The following DAPK1 variants were observed in gnomAD, a reference collection of about 807,000 sequenced individuals.
The protein encoded by DAPK1 is death associated protein kinase 1, also known as death-associated protein kinase 1.
Under a neutral mutation model 144.9 loss-of-function variants are expected in DAPK1, and 56 were observed. The observed-to-expected ratio is 0.39, with a 90% confidence interval of 0.31 to 0.48. The LOEUF is 0.48. Among genes scored for constraint, DAPK1 ranks in the 20% least tolerant of loss-of-function variants. The probability of loss-of-function intolerance (pLI) is 0.95; values close to 1 mark genes in which losing one functional copy is unlikely to be tolerated. For synonymous variants in DAPK1, 690 were observed against 749.0 expected (o/e 0.92, Z 1.29); for missense variants, 1,454 against 1,875.4 (o/e 0.78, Z 4.15).
intron 3 of DAPK1, among the ~76,000 whole-genome samples, chr9:87,630,055 G>T (rs1434378848): frequency 1.3e-5 from 2 of 152,064 alleles, no homozygotes; most frequent in Non-Finnish European, 2.9e-5. Flanking sequence ...GACAGCCCCC[G>T]AGCTGCTTCA....
Position 87,654,182 on chromosome 9 carries a change from T to C in DAPK1, c.1824+2458T>C, listed in dbSNP as rs1830553885. On this transcript the variant is annotated intron_variant, in intron 17 of 25. Coordinates refer to ENST00000408954, the MANE Select transcript of DAPK1 (RefSeq NM_004938.4). ...GACTTCTAGATTTTAGCCAGCACCT[T>C]CCCTTTTCTCTGAATTCCATATAGA... Among the ~76,000 whole-genome samples the C allele has an allele frequency of 1.3e-5, 2 of 152,202 alleles. 1 individual carries two copies. Among genetic ancestry groups the C allele is most frequent in the Admixed American group, 1.3e-4 (2 of 15,276 alleles).
Position 87,640,330 on chromosome 9 carries a change from C to G in DAPK1, c.662C>G (p.Thr221Ser). The change falls in exon 8 of 26, where the codon ACT (threonine) becomes AGT (serine). Residue 221 changes from threonine (T) to serine (S), a missense_variant. By Grantham distance (58) the Thr-to-Ser change is moderately conservative. Around this residue, in one of 2 missense-constraint regions of DAPK1, gnomAD observed 429 missense variants for 637.5 expected, o/e 0.67. Transcript: ENST00000408954. ...LSGASPFLGD[T>S]KQETLANVSA... is the part of the protein sequence containing the mutation. ...GGGGCCTCCCCATTTCTTGGAGACACTAAGCAAGAAACGTTAGCAAATGTA... is the reference window on the plus strand; with the variant it reads ...GGGGCCTCCCCATTTCTTGGAGACAGTAAGCAAGAAACGTTAGCAAATGTA... 6.2e-7 allele frequency: 1 copy of G among 1,614,168 alleles called. No homozygotes were observed. The highest frequency in any genetic ancestry group is 8.5e-7 in the Non-Finnish European group (1 of 1,180,006).
rs547826696 is a variant in DAPK1, at chr9:87,639,199, A to G, written c.424-155A>G. 6.6e-5 allele frequency among the ~76,000 whole-genome samples: 10 copies of G among 151,272 alleles called. No individual in the cohort carries two copies. In the South Asian group the frequency reaches 8.4e-4, roughly 13 times the overall value. On this transcript the variant is annotated intron_variant, in intron 4 of 25. Transcript: ENST00000408954. ...CAGGCCTGCTTCAGGGAGAACCTAGAGCAAGACATGTATTTTCCTGCTGTT... is the reference window on the plus strand; with the variant it reads ...CAGGCCTGCTTCAGGGAGAACCTAGGGCAAGACATGTATTTTCCTGCTGTT...
At chr9:87,685,529 A>C (rs1587843972) in intron 20 of DAPK1, among the ~76,000 whole-genome samples, 1 of 151,850 alleles carries the variant, frequency 6.6e-6, no homozygotes, top group East Asian at 1.9e-4. Context: ...CTTACAGAGC[A>C]CTCTCTGTGG....
intron 3 of DAPK1, among the ~76,000 whole-genome samples, chr9:87,621,059 T>A (rs1389842068): frequency 6.6e-6 from 1 of 152,222 alleles, no homozygotes; most frequent in Non-Finnish European, 1.5e-5. Flanking sequence ...CCCGGGAATC[T>A]CCATGTGTCC....
chr9:87,574,915 T>G (rs1827485778), intron 2 of DAPK1, among the ~76,000 whole-genome samples: 1 of 143,882 alleles, frequency 7.0e-6, no homozygotes, highest in Non-Finnish European at 1.5e-5. Context: ...AGTGAGACTC[T>G]GTCTCAAAAA....
Position 87,707,258 on chromosome 9 carries a change from C to T in DAPK1, c.4187C>T (p.Ser1396Phe). Reference protein sequence around the residue: ...RDAADFLLKASSVFKINLDGN... With the variant: ...RDAADFLLKAFSVFKINLDGN... ...GCCGCAGACTTTTTGCTGAAGGCAT[C>T]CTCTGTGTTCAAAATCAACCTGGAT... The change falls in exon 26 of 26, where the codon TCC becomes TTC. Residue 1396 changes from serine (S) to phenylalanine (F), a missense_variant. Physicochemically the swap from Ser to Phe is radical, Grantham distance 155. Around this residue, in one of 2 missense-constraint regions of DAPK1, gnomAD observed 1,025 missense variants for 1,237.9 expected, o/e 0.83. Transcript: ENST00000408954. The surrounding 1 kb of genome is among the most constrained non-coding windows in gnomAD (Gnocchi z 4.0). 1 of 1,614,116 alleles carries T rather than the reference C, an allele frequency of 6.2e-7. No individual in the cohort carries two copies. The highest frequency in any genetic ancestry group is 2.2e-5 in the East Asian group (1 of 44,876).
At chr9:87,520,967 A>G (rs1376696671) in intron 2 of DAPK1, among the ~76,000 whole-genome samples, 1 of 152,220 alleles carries the variant, frequency 6.6e-6, no homozygotes, top group Non-Finnish European at 1.5e-5. Context: ...ACTGTGGCCA[A>G]CCTATGACTG....
intron 7 of DAPK1, 150 bp downstream of exon 7, chr9:87,639,965 T>G: frequency 6.1e-6 from 5 of 824,452 alleles, no homozygotes; most frequent in Non-Finnish European, 9.4e-6. Flanking sequence ...CATGTTTAGT[T>G]TATACTAATT....
At chr9:87,677,362 G>A (rs867454719) in intron 19 of DAPK1, among the ~76,000 whole-genome samples, 5 of 152,164 alleles carry the variant, frequency 3.3e-5, no homozygotes, top group African/African-American at 4.8e-5. Context: ...CAGGGGCAGC[G>A]GTGTCTGTAG....
intron 2 of DAPK1, among the ~76,000 whole-genome samples, chr9:87,552,136 G>T (rs1219070085): frequency 6.6e-6 from 1 of 152,068 alleles, no homozygotes; most frequent in East Asian, 1.9e-4. Context: ...GGCCCTGCCT[G>T]GGGTCCCACA....
In DAPK1 at chr9:87,686,626, C is replaced by T. The variant is rs1351984548; in HGVS notation, c.2300C>T (p.Pro767Leu). 6.2e-7 allele frequency: 1 copy of T among 1,610,092 alleles called. No individual in the cohort carries two copies. Among genetic ancestry groups the T allele is most frequent in the Non-Finnish European group, 8.5e-7 (1 of 1,177,194 alleles). Residue 767 changes from proline (P) to leucine (L), a missense_variant, in exon 21 of 26, where the codon CCG becomes CTG. This residue lies in a region of DAPK1 where 1,025 missense variants were observed against 1,237.9 expected (regional missense o/e 0.83). Transcript: ENST00000408954. The surrounding 1 kb of genome is among the most constrained non-coding windows in gnomAD (Gnocchi z 4.2). ...AGGAGCCGCAGCATGATGTTCGAGCCGGGTCTTACCAAAGGGATGCTGGAG... is the reference window on the plus strand; with the variant it reads ...AGGAGCCGCAGCATGATGTTCGAGCTGGGTCTTACCAAAGGGATGCTGGAG... ...SVRSRSMMFE[P>L]GLTKGMLEVF...
At position 87,643,366 on chromosome 9, in the gene DAPK1, T is replaced by TTTTAA; in HGVS notation, c.919-10_919-9insTTTAA. 2 of 1,349,440 alleles carry TTTTAA rather than the reference T, an allele frequency of 1.5e-6. No homozygotes were observed. Among genetic ancestry groups the TTTTAA allele is most frequent in the South Asian group, 2.8e-5 (2 of 71,294 alleles). The allele number at this position is 1,349,440 out of a possible 1,614,324, so 83.6% of individuals were successfully genotyped here. On this transcript the variant is annotated splice_polypyrimidine_tract_variant and intron_variant, in intron 10 of 25. Transcript: ENST00000408954. Reference sequence around the variant, plus strand: ...CCCTCCCTTTTTTTTTTTTTTTTTTTAAAAAAAAGCAATCCGTTCGCTTGA... The same window carrying TTTTAA: ...CCCTCCCTTTTTTTTTTTTTTTTTTTTTTAAAAAAAAAAGCAATCCGTTCGCTTGA...
In DAPK1 at chr9:87,668,578, A is replaced by T; in HGVS notation, c.1924-19A>T. The stretch of plus-strand genomic sequence containing the variant: ...TCTCCTTTTCAGAGAAAAGAAACTA[A>T]TGCATTTTTCTCCAACAGGACGGAA... On this transcript the variant is annotated intron_variant, in intron 18 of 25. Transcript: ENST00000408954. The T allele has an allele frequency of 8.7e-7, 1 of 1,146,816 alleles. No homozygotes were observed. Among genetic ancestry groups the T allele is most frequent in the Non-Finnish European group, 1.3e-6 (1 of 752,264 alleles). The allele number at this position is 1,146,816 out of a possible 1,614,324, so 71.0% of individuals were successfully genotyped here.
intron 20 of DAPK1, among the ~76,000 whole-genome samples, chr9:87,683,987 G>A (rs1349856898): frequency 2.6e-5 from 4 of 152,194 alleles, no homozygotes; most frequent in Admixed American, 6.5e-5. Flanking sequence ...GGATCCCTGG[G>A]CAGGAGGCAT....
intron 3 of DAPK1, among the ~76,000 whole-genome samples, chr9:87,627,070 G>A (rs577510718): frequency 6.6e-6 from 1 of 152,262 alleles, no homozygotes; most frequent in South Asian, 2.1e-4. Flanking sequence ...CCAAAGTTCA[G>A]TTATTTCCAA....
chr9:87,512,252 C>T (rs866677455), intron 2 of DAPK1, among the ~76,000 whole-genome samples: 4 of 151,786 alleles, frequency 2.6e-5, no homozygotes, highest in African/African-American at 9.7e-5. Context: ...CCAAATAAGA[C>T]ACTGGGAATT....
chr9:87,592,838 C>T (rs1206923742), intron 2 of DAPK1, among the ~76,000 whole-genome samples: 1 of 152,252 alleles, frequency 6.6e-6, no homozygotes, highest in African/African-American at 2.4e-5. Flanking sequence ...GTAACTCCAG[C>T]AGTGCCATTC....
chr9:87,603,616 C>T (rs1828604761), intron 2 of DAPK1, among the ~76,000 whole-genome samples: 2 of 152,138 alleles, frequency 1.3e-5, no homozygotes, highest in African/African-American at 2.4e-5. Context: ...CTTTTGTCTT[C>T]GTGTGAGGAT....
Sources: allele counts gnomAD v4.1 joint callset (sites outside exome capture counted in the v4.1 genomes callset), GRCh38; gene constraint gnomAD v4.1.1; regional missense constraint gnomAD v4.1.1; non-coding constraint Gnocchi (gnomAD v3.1); transcripts MANE v1.5; gene names NCBI Gene and HGNC (gene_info 2026-07-23, HGNC 2026-07-21).